ADGB: variants seen among roughly 807,000 people sequenced by gnomAD.
ADGB encodes the protein calpain-7-like protein.
A neutral mutation model predicts 210.5 loss-of-function variants in ADGB; 172 were observed. That is an observed-to-expected ratio of 0.82 (90% CI 0.72 to 0.93). ADGB has a LOEUF of 0.93. Among genes scored for constraint, ADGB ranks in the 40% least tolerant of loss-of-function variants. ADGB has a pLI of 0.00. For missense variants in ADGB, 2,025 were observed against 1,964.8 expected (o/e 1.03, Z -0.58); for synonymous variants, 658 against 662.7 (o/e 0.99, Z 0.11).
In ADGB at chr6:146,801,224, T is replaced by C. The variant is rs771455470; in HGVS notation, c.4579T>C (p.Ser1527Pro). 1.2e-5 allele frequency: 18 copies of C among 1,510,398 alleles called. No homozygotes were observed. The South Asian group carries it at 1.6e-4, about 13-fold the overall frequency. The allele number at this position is 1,510,398 out of a possible 1,614,324, so 93.6% of individuals were successfully genotyped here. Residue 1527 changes from serine (S) to proline (P), a missense_variant, in exon 34 of 36, where the codon TCT (serine) becomes CCT (proline). Physicochemically the swap from Ser to Pro is moderately conservative, Grantham distance 74. Coordinates refer to ENST00000397944, the MANE Select transcript of ADGB (RefSeq NM_024694.4). ...ACGATCTCCAACAATTTTGGAAACA[T>C]CTCCACGACTTATTCGAAAAGCACT... ...RTRSPTILETSPRLIRKALEF... is the reference protein window; with the variant it reads ...RTRSPTILETPPRLIRKALEF...
At chr6:146,753,282 A>G (rs2114613208) in intron 27 of ADGB, among the ~76,000 whole-genome samples, 1 of 152,144 alleles carries the variant, frequency 6.6e-6, no homozygotes, top group East Asian at 1.9e-4. Flanking sequence ...TGCTACTCAG[A>G]AAAAAAGTTA....
At chr6:146,675,748 T>C (rs1278706957) in intron 8 of ADGB, among the ~76,000 whole-genome samples, 1 of 152,176 alleles carries the variant, frequency 6.6e-6, no homozygotes, top group Non-Finnish European at 1.5e-5. Flanking sequence ...ATTGAGTATA[T>C]GAATGAGCAT....
intron 22 of ADGB, 50 bp downstream of exon 22, chr6:146,734,080 A>G: frequency 6.6e-7 from 1 of 1,518,452 alleles, no homozygotes; most frequent in Non-Finnish European, 8.9e-7. Flanking sequence ...ATAAGAATAA[A>G]TATTTATGTG....
rs9497605 is a variant in ADGB, at chr6:146,671,827, T to A, written c.840-393T>A. Reference sequence around the variant, plus strand: ...GAATTAAAAGCAAGAAACAACACTGTCACATTCCACAGAGAAGCCTAATAA... The same window carrying A: ...GAATTAAAAGCAAGAAACAACACTGACACATTCCACAGAGAAGCCTAATAA... On this transcript the variant is annotated intron_variant, in intron 7 of 35. Transcript: ENST00000397944. Among the ~76,000 whole-genome samples, 912 of 152,242 alleles carry A rather than the reference T, an allele frequency of 6.0e-3. 11 individuals are homozygous for A. The highest frequency in any genetic ancestry group is 0.021 in the African/African-American group (881 of 41,558).
chr6:146,728,799 A>G, intron 20 of ADGB, 58 bp downstream of exon 20: 2 of 1,387,850 alleles, frequency 1.4e-6, no homozygotes, highest in Non-Finnish European at 9.6e-7. Flanking sequence ...AAAATGGTAT[A>G]TCTTCCATTA....
At chr6:146,741,685 A>G (rs985298497) in intron 25 of ADGB, among the ~76,000 whole-genome samples, 8 of 152,168 alleles carry the variant, frequency 5.3e-5, no homozygotes, top group African/African-American at 1.9e-4. Flanking sequence ...GTAGTTACAT[A>G]GCCACCAACC....
intron 28 of ADGB, 140 bp from the exon 29 acceptor site, chr6:146,768,880 A>C: frequency 2.2e-6 from 1 of 463,026 alleles, no homozygotes; most frequent in Non-Finnish European, 4.0e-6. Context: ...GTTTTGGAGA[A>C]CATCCAGCAT....
chr6:146,788,991 A>G (rs888495321), intron 33 of ADGB, among the ~76,000 whole-genome samples: 2 of 152,168 alleles, frequency 1.3e-5, no homozygotes, highest in African/African-American at 4.8e-5. Flanking sequence ...TTTCATAGCA[A>G]ATTTTAAGAA....
At chr6:146,753,003 T>C (rs1777346531) in intron 27 of ADGB, among the ~76,000 whole-genome samples, 1 of 152,116 alleles carries the variant, frequency 6.6e-6, no homozygotes, top group African/African-American at 2.4e-5. Context: ...TTTTTACTTT[T>C]TTAAATTCGT....
At position 146,691,252 on chromosome 6, in the gene ADGB, G is replaced by C. The variant is rs759180685; in HGVS notation, c.1448G>C (p.Arg483Pro). 6.5e-7 allele frequency: 1 copy of C among 1,545,872 alleles called. No individual in the cohort carries two copies. Among genetic ancestry groups the C allele is most frequent in the South Asian group, 1.2e-5 (1 of 83,734 alleles). Reference protein sequence around the residue: ...PPPLPPWKLIRQKKETVITDE... With the variant: ...PPPLPPWKLIPQKKETVITDE... ...CCTCTACCTCCCTGGAAACTCATTCGTCAAAAAAAGGAAACTGTTATAACA... is the reference window on the plus strand; with the variant it reads ...CCTCTACCTCCCTGGAAACTCATTCCTCAAAAAAAGGAAACTGTTATAACA... Residue 483 changes from arginine to proline, a missense_variant, in exon 11 of 36, where the codon CGT becomes CCT. Physicochemically the swap from Arg to Pro is moderately radical, Grantham distance 103. Transcript: ENST00000397944.
chr6:146,795,513 AAAG>A (rs1437174145), intron 33 of ADGB, among the ~76,000 whole-genome samples: 9 of 152,200 alleles, frequency 5.9e-5, no homozygotes. Context: ...ACATATTTCT[AAAG>A]AAGACATACA....
At chr6:146,620,865 CTCT>C (rs910463998) in intron 1 of ADGB, among the ~76,000 whole-genome samples, 31 of 152,184 alleles carry the variant, frequency 2.0e-4, no homozygotes, top group Admixed American at 1.9e-3. Flanking sequence ...GTTTTCGCAA[CTCT>C]TATGTTGATT....
At chr6:146,755,207 C>T (rs762321606) in intron 27 of ADGB, among the ~76,000 whole-genome samples, 6 of 151,988 alleles carry the variant, frequency 3.9e-5, no homozygotes, top group Non-Finnish European at 7.4e-5. Flanking sequence ...CCTGTTGATA[C>T]TGTTCATCTG....
chr6:146,788,737 G>A (rs1463525015), intron 33 of ADGB, 127 bp downstream of exon 33: 3 of 906,194 alleles, frequency 3.3e-6, no homozygotes, highest in Non-Finnish European at 1.6e-6. Flanking sequence ...CCGATATATA[G>A]ATTTTCATTT....
At position 146,785,415 on chromosome 6, in the gene ADGB, A is replaced by T. The variant is rs150006249; in HGVS notation, c.4213-195A>T. Reference sequence around the variant, plus strand: ...GCTTCTTCATCTATTCTCAAAAATAACTGTCAAAATCATGGATGATTCAGA... The same window carrying T: ...GCTTCTTCATCTATTCTCAAAAATATCTGTCAAAATCATGGATGATTCAGA... On this transcript the variant is annotated intron_variant, in intron 31 of 35. Transcript: ENST00000397944. Among the ~76,000 whole-genome samples, 14 of 152,294 alleles carry T rather than the reference A, an allele frequency of 9.2e-5. No homozygotes were observed. The East Asian group carries it at 2.7e-3, about 29-fold the overall frequency.
chr6:146,806,600 A>C (rs1778215793), intron 35 of ADGB, among the ~76,000 whole-genome samples: 2 of 152,234 alleles, frequency 1.3e-5, no homozygotes, highest in African/African-American at 2.4e-5. Flanking sequence ...AAACATGGAA[A>C]ATGTCTTGAT....
chr6:146,760,271 C>A (rs1412901089), intron 27 of ADGB, among the ~76,000 whole-genome samples: 1 of 151,796 alleles, frequency 6.6e-6, no homozygotes, highest in Non-Finnish European at 1.5e-5. Flanking sequence ...TTTCCTCACC[C>A]TCAAAGAGGC....
intron 6 of ADGB, among the ~76,000 whole-genome samples, chr6:146,664,910 A>G (rs560181297): frequency 6.6e-6 from 1 of 152,176 alleles, no homozygotes; most frequent in East Asian, 1.9e-4. Flanking sequence ...GTGCACCAAC[A>G]TATATGAGAC....
intron 13 of ADGB, among the ~76,000 whole-genome samples, chr6:146,713,680 C>T (rs1485076953): frequency 6.6e-6 from 1 of 152,044 alleles, no homozygotes; most frequent in Non-Finnish European, 1.5e-5. Context: ...AATATTTTCT[C>T]CCAGTTTGTA....
Sources: gnomAD v4.1 joint callset for allele counts (sites outside exome capture counted in the v4.1 genomes callset) on GRCh38, gnomAD v4.1.1 for gene constraint, MANE v1.5 for transcripts, NCBI Gene and HGNC (gene_info 2026-07-23, HGNC 2026-07-21) for gene names.